RALGAPA1: variants seen among roughly 807,000 people sequenced by gnomAD.
RALGAPA1 encodes the protein ral GTPase-activating protein subunit alpha-1.
A neutral mutation model predicts 269.6 loss-of-function variants in RALGAPA1; 52 were observed. The ratio of observed to expected loss-of-function variants is 0.19; its 90% CI spans 0.15 to 0.24. The LOEUF (loss-of-function observed/expected upper bound fraction) is 0.24, where lower values mean the gene tolerates loss of function less well. Ranked by LOEUF, RALGAPA1 falls within the 10% of genes least tolerant of loss-of-function variation. RALGAPA1 has a pLI of 1.00. For synonymous variants in RALGAPA1, 817 were observed against 1,008.3 expected (o/e 0.81, Z 3.60); for missense variants, 1,917 against 3,013.9 (o/e 0.64, Z 8.52).
At chr14:35,543,695 T>C (rs1023807682) in intron 41 of RALGAPA1, among the ~76,000 whole-genome samples, 4 of 152,252 alleles carry the variant, frequency 2.6e-5, no homozygotes, top group African/African-American at 9.6e-5. Context: ...CAGGCTGGAG[T>C]GCAGTGGCGC....
rs1443953240 is a variant in RALGAPA1 at position 35,760,719 on chromosome 14, C to T, written c.547+110G>A. 9 of 688,210 alleles carry T rather than the reference C, an allele frequency of 1.3e-5. No individual in the cohort carries two copies. The Admixed American group carries it at 2.2e-4, about 17-fold the overall frequency. 42.6% of individuals were successfully genotyped at this position (688,210 alleles called of 1,614,324 possible). ...TAATAATAAAAGCTATGTTTTAAAG[C>T]ATTGCCTTGGATTACCCAGTTAATG... On this transcript the variant is annotated intron_variant, in intron 6 of 41. Coordinates refer to ENST00000680220, the MANE Select transcript of RALGAPA1 (RefSeq NM_001346249.2).
intron 17 of RALGAPA1, among the ~76,000 whole-genome samples, chr14:35,694,087 G>A (rs757603834): frequency 1.3e-5 from 2 of 150,296 alleles, no homozygotes; most frequent in African/African-American, 2.4e-5. Flanking sequence ...AGAAAAGCTC[G>A]CCTTAAAAAA....
chr14:35,643,121 G>A (rs2062138613), intron 31 of RALGAPA1, among the ~76,000 whole-genome samples: 1 of 145,778 alleles, frequency 6.9e-6, no homozygotes, highest in African/African-American at 2.5e-5. Context: ...TCATAGGTGG[G>A]AATTGAACAA....
At chr14:35,560,414 A>G (rs989207487) in intron 39 of RALGAPA1, among the ~76,000 whole-genome samples, 1 of 152,094 alleles carries the variant, frequency 6.6e-6, no homozygotes, top group Non-Finnish European at 1.5e-5. Flanking sequence ...TTCTTCCCTG[A>G]CCATATCTGT....
chr14:35,673,134 C>T (rs2064627819), intron 24 of RALGAPA1, 112 bp from the exon 25 acceptor site: 1 of 1,147,134 alleles, frequency 8.7e-7, no homozygotes, highest in Non-Finnish European at 1.1e-6. Flanking sequence ...TCCATGTTGG[C>T]CCAATTTCTT....
intron 37 of RALGAPA1, among the ~76,000 whole-genome samples, chr14:35,594,013 G>T (rs927038547): frequency 9.9e-5 from 15 of 151,850 alleles, no homozygotes; most frequent in Non-Finnish European, 1.8e-4. Flanking sequence ...TTTTCACAAG[G>T]GCACCAAGAT....
intron 36 of RALGAPA1, among the ~76,000 whole-genome samples, chr14:35,597,732 A>G (rs1294645677): frequency 6.6e-6 from 1 of 152,066 alleles, no homozygotes; most frequent in Non-Finnish European, 1.5e-5. Context: ...CCTGGCAATC[A>G]CTCACTCATC....
intron 40 of RALGAPA1, 86 bp from the exon 41 acceptor site, chr14:35,548,624 G>A (rs2054678548): frequency 1.1e-6 from 1 of 891,022 alleles, no homozygotes; most frequent in Non-Finnish European, 1.7e-6. Flanking sequence ...TTTTCTTACT[G>A]ATTTCTTCAA....
In RALGAPA1 at chr14:35,688,444, A is replaced by G. The variant is rs750913824; in HGVS notation, c.3952+15T>C. On this transcript the variant is annotated intron_variant, in intron 18 of 41. Coordinates refer to ENST00000680220, the MANE Select transcript of RALGAPA1 (RefSeq NM_001346249.2). ...GTCTTTCTCCTTTTGCGCTCTGCAC[A>G]CTGTTAGTGCTCACCTGCAGCTTTC... is the stretch of plus-strand genomic sequence containing the variant. 57 of 1,536,096 alleles carry G rather than the reference A, an allele frequency of 3.7e-5. No homozygotes were observed. The highest frequency in any genetic ancestry group is 4.9e-5 in the Non-Finnish European group (56 of 1,146,864).
chr14:35,551,951 G>A (rs1355243560), intron 39 of RALGAPA1, among the ~76,000 whole-genome samples: 4 of 152,032 alleles, frequency 2.6e-5, no homozygotes, highest in Admixed American at 6.6e-5. Flanking sequence ...AATCATTAAC[G>A]GTTGAATTTA....
rs550016504 is a variant in RALGAPA1 at position 35,683,931 on chromosome 14, C to T, written c.4349G>A (p.Gly1450Asp). ...TTCAGCACTCTGATGATGGCCAGAA[C>T]CTGAATCCACATCAGCAGAGGACGT... ...GVTSSADVDS[G>D]SGHHQSAEEQ... Residue 1450 changes from glycine to aspartate, a missense_variant, in exon 21 of 42, where the codon GGT becomes GAT. Gly to Asp is a moderately conservative substitution (Grantham distance 94). Transcript: ENST00000680220. 2 of 1,613,624 alleles carry T rather than the reference C, an allele frequency of 1.2e-6. No individual in the cohort carries two copies. The highest frequency in any genetic ancestry group is 8.5e-7 in the Non-Finnish European group (1 of 1,179,750).
chr14:35,692,401 GATTATT>G (rs1201714522), intron 17 of RALGAPA1, among the ~76,000 whole-genome samples: 1 of 151,458 alleles, frequency 6.6e-6, no homozygotes, highest in Non-Finnish European at 1.5e-5. Flanking sequence ...AGCCAGGAAA[GATTATT>G]ATGATGTTCT....
intron 14 of RALGAPA1, 83 bp from the exon 15 acceptor site, chr14:35,723,347 T>A: frequency 1.3e-6 from 1 of 767,078 alleles, no homozygotes; most frequent in Non-Finnish European, 2.1e-6. Flanking sequence ...TTAAAAAAAT[T>A]ACTTAAAAAC....
chr14:35,568,263 A>G (rs558820453), intron 39 of RALGAPA1, among the ~76,000 whole-genome samples: 1 of 152,294 alleles, frequency 6.6e-6, no homozygotes, highest in African/African-American at 2.4e-5. Flanking sequence ...ACATTCATTG[A>G]AGAATTTCAG....
chr14:35,566,226 G>A (rs2056690486), intron 39 of RALGAPA1, among the ~76,000 whole-genome samples: 1 of 152,142 alleles, frequency 6.6e-6, no homozygotes, highest in African/African-American at 2.4e-5. Flanking sequence ...CGAAGGAGAG[G>A]TTTCAGCTTG....
At chr14:35,728,568 T>C (rs1003343159) in intron 12 of RALGAPA1, 58 bp from the exon 13 acceptor site, 6 of 1,510,350 alleles carry the variant, frequency 4.0e-6, no homozygotes, top group Non-Finnish European at 5.3e-6. Context: ...AAATTTCTTA[T>C]TCAAAGAGAA....
chr14:35,785,074 T>C (rs2075703252), intron 1 of RALGAPA1, among the ~76,000 whole-genome samples: 1 of 152,222 alleles, frequency 6.6e-6, no homozygotes, highest in African/African-American at 2.4e-5. Flanking sequence ...TATCTAATTG[T>C]ACATGTCCAA....
chr14:35,651,682 A>G, intron 31 of RALGAPA1, 123 bp downstream of exon 31: 1 of 801,402 alleles, frequency 1.2e-6, no homozygotes, highest in Non-Finnish European at 1.8e-6. Context: ...GGCATTTCAC[A>G]TTATAGTAGA....
chr14:35,613,238 T>G (rs942026512), intron 35 of RALGAPA1, among the ~76,000 whole-genome samples: 1 of 151,940 alleles, frequency 6.6e-6, no homozygotes, highest in East Asian at 1.9e-4. Flanking sequence ...TGCACCACCA[T>G]GCTTGGCTAA....
Sources: allele counts gnomAD v4.1 joint callset (sites outside exome capture counted in the v4.1 genomes callset), GRCh38; gene constraint gnomAD v4.1.1; transcripts MANE v1.5; gene names NCBI Gene and HGNC (gene_info 2026-07-23, HGNC 2026-07-21).